Variants in DNAJC13 observed in about 807,000 individuals in gnomAD.
DNAJC13 encodes DnaJ heat shock protein family (Hsp40) member C13.
In DNAJC13, 75 loss-of-function variants were observed where a neutral mutation model predicts 290.5. The ratio of observed to expected loss-of-function variants is 0.26; its 90% CI spans 0.21 to 0.31. DNAJC13 has a LOEUF of 0.31. Among genes scored for constraint, DNAJC13 ranks in the 10% least tolerant of loss-of-function variants. The pLI, the probability that DNAJC13 is intolerant of heterozygous loss-of-function variation, is 1.00. For synonymous variants in DNAJC13, 862 were observed against 892.0 expected (o/e 0.97, Z 0.60); for missense variants, 2,260 against 2,674.5 (o/e 0.85, Z 3.42).
intron 48 of DNAJC13, among the ~76,000 whole-genome samples, chr3:132,517,050 G>A (rs551396764): frequency 2.6e-5 from 4 of 152,342 alleles, no homozygotes; most frequent in Admixed American, 6.5e-5. Context: ...TTTGGATTAA[G>A]ATACACTGTT....
In DNAJC13 at chr3:132,466,286, T is replaced by G; in HGVS notation, c.1969-13T>G. 1 of 1,573,310 alleles carries G rather than the reference T, an allele frequency of 6.4e-7. No individual in the cohort carries two copies. The highest frequency in any genetic ancestry group is 8.6e-7 in the Non-Finnish European group (1 of 1,165,894). ...TTTTCACATTGTTTTGAAAATGGAT[T>G]TTGTGTTTTTAGCCGCCAGGCTTGC... On this transcript the variant is annotated splice_polypyrimidine_tract_variant and intron_variant, in intron 18 of 55. Coordinates refer to ENST00000260818, the MANE Select transcript of DNAJC13 (RefSeq NM_015268.4).
At chr3:132,432,295 C>G (rs764010326) in intron 1 of DNAJC13, among the ~76,000 whole-genome samples, 12 of 152,066 alleles carry the variant, frequency 7.9e-5, no homozygotes, top group Non-Finnish European at 1.2e-4. Context: ...CTCCACCTCC[C>G]GGGTTCAAGA....
intron 50 of DNAJC13, 94 bp from the exon 51 acceptor site, chr3:132,523,446 C>T: frequency 7.2e-7 from 1 of 1,389,458 alleles, no homozygotes; most frequent in Non-Finnish European, 9.8e-7. Context: ...TGTTTGTGGA[C>T]TGGTTAACAT....
Position 132,514,888 on chromosome 3 carries a change from C to G in DNAJC13, c.5485+218C>G, listed in dbSNP as rs569317403. On this transcript the variant is annotated intron_variant, in intron 46 of 55. Transcript: ENST00000260818. ...AGTTGGGGGTGAGAGAGGTCCAAAA[C>G]CAAAGGAAAATAACCTGGGATTTTC... 1.4e-4 allele frequency: 57 copies of G among 415,400 alleles called. 1 individual carries two copies. Among genetic ancestry groups the G allele is most frequent in the African/African-American group, 9.0e-4 (42 of 46,920 alleles). 25.7% of individuals were successfully genotyped at this position (415,400 alleles called of 1,614,324 possible).
intron 43 of DNAJC13, among the ~76,000 whole-genome samples, chr3:132,508,780 A>G (rs1158550715): frequency 6.6e-6 from 1 of 152,220 alleles, no homozygotes; most frequent in Non-Finnish European, 1.5e-5. Flanking sequence ...TTATTTTTAA[A>G]AAATTATGCT....
chr3:132,461,119 T>C lies in DNAJC13; in HGVS notation c.1627T>C (p.Tyr543His). ...CCTTACCTTTGCCCTCTGTGCTCCA[T>C]ATAGTGAGACAACTGAAGGGCAGCA... ...DFLTFALCAP[Y>H]SETTEGQQFD... is the part of the protein sequence containing the mutation. The change falls in exon 15 of 56, where the codon TAT becomes CAT. Residue 543 changes from tyrosine (Y) to histidine (H), a missense_variant. Tyr to His is a moderately conservative substitution (Grantham distance 83). Around this residue, in one of 3 missense-constraint regions of DNAJC13, gnomAD observed 762 missense variants for 964.1 expected, o/e 0.79. Transcript: ENST00000260818. 5 of 1,614,028 alleles carry C rather than the reference T, an allele frequency of 3.1e-6. No individual in the cohort carries two copies. Among genetic ancestry groups the C allele is most frequent in the East Asian group, 2.2e-5 (1 of 44,870 alleles).
intron 22 of DNAJC13, among the ~76,000 whole-genome samples, chr3:132,477,442 G>A (rs1427671360): frequency 6.6e-6 from 1 of 152,208 alleles, no homozygotes; most frequent in African/African-American, 2.4e-5. Flanking sequence ...GTGGGATAGA[G>A]GGAAGACCTG....
chr3:132,441,942 C>A (rs1933085064), intron 2 of DNAJC13, among the ~76,000 whole-genome samples: 1 of 151,594 alleles, frequency 6.6e-6, no homozygotes, highest in African/African-American at 2.4e-5. Flanking sequence ...TTGAACCCAG[C>A]ACAGTGTCAG....
intron 24 of DNAJC13, 90 bp from the exon 25 acceptor site, chr3:132,479,137 A>T (rs929212548): frequency 2.2e-5 from 15 of 686,516 alleles, no homozygotes; most frequent in Non-Finnish European, 3.4e-5. Flanking sequence ...ATTACTTCTT[A>T]TGGGCTGTTG....
chr3:132,479,966 T>G (rs1934613441), intron 25 of DNAJC13, among the ~76,000 whole-genome samples: 1 of 149,148 alleles, frequency 6.7e-6, no homozygotes, highest in Admixed American at 6.8e-5. Context: ...TCTAAGAAAT[T>G]ACCAGTTAAG....
In DNAJC13 at chr3:132,501,523, C is replaced by A. The variant is rs188521661; in HGVS notation, c.4536+610C>A. 1.2e-3 allele frequency among the ~76,000 whole-genome samples: 177 copies of A among 151,268 alleles called. 1 individual carries two copies. The highest frequency in any genetic ancestry group is 4.2e-3 in the African/African-American group (171 of 41,190). ...CTGAGATATATGCTTCAGAGGTAGC[C>A]TGTGCCACTACACTCCAGACTGGGC... On this transcript the variant is annotated intron_variant, in intron 39 of 55. Transcript: ENST00000260818.
At chr3:132,532,976 C>T (rs931333166) in intron 55 of DNAJC13, among the ~76,000 whole-genome samples, 3 of 146,876 alleles carry the variant, frequency 2.0e-5, no homozygotes, top group East Asian at 2.1e-4. Flanking sequence ...CTATGCTGGT[C>T]TCAAACTCCT....
intron 20 of DNAJC13, among the ~76,000 whole-genome samples, chr3:132,471,365 C>T (rs1453758573): frequency 3.5e-5 from 5 of 144,844 alleles, no homozygotes; most frequent in South Asian, 2.3e-4. Context: ...ACCTCCCTCC[C>T]GGACGGGGTG....
chr3:132,448,153 A>G lies in DNAJC13; in HGVS notation c.336+214A>G, dbSNP rs139413962. Among the ~76,000 whole-genome samples, 1,420 of 152,006 alleles carry G rather than the reference A, an allele frequency of 9.3e-3. 33 individuals carry two copies. The highest frequency in any genetic ancestry group is 0.037 in the Admixed American group (558 of 15,258). On this transcript the variant is annotated intron_variant, in intron 5 of 55. Transcript: ENST00000260818. ...AATGTTGATACTGGTAGATGGGGGGAAAAAAAGGCAAAAAAACCTTTGGAG... is the reference window on the plus strand; with the variant it reads ...AATGTTGATACTGGTAGATGGGGGGGAAAAAAGGCAAAAAAACCTTTGGAG...
chr3:132,478,610 C>T (rs1934551073), intron 24 of DNAJC13, among the ~76,000 whole-genome samples: 3 of 152,086 alleles, frequency 2.0e-5, no homozygotes, highest in Admixed American at 2.0e-4. Context: ...TACAGTTTGT[C>T]AAATAAAAAA....
intron 6 of DNAJC13, among the ~76,000 whole-genome samples, chr3:132,452,428 T>C (rs1933445820): frequency 6.6e-6 from 1 of 152,200 alleles, no homozygotes; most frequent in African/African-American, 2.4e-5. Flanking sequence ...TTAAACACGA[T>C]GTGATCCAGT....
chr3:132,512,371 G>A (rs577770428), intron 44 of DNAJC13, among the ~76,000 whole-genome samples: 2 of 152,282 alleles, frequency 1.3e-5, no homozygotes, highest in South Asian at 4.1e-4. Flanking sequence ...TCTTTAAGTT[G>A]AAGGAGTCTT....
chr3:132,495,141 AC>A lies in DNAJC13; in HGVS notation c.3998del (p.Pro1333LeufsTer14). On this transcript the variant is annotated frameshift_variant, in exon 35 of 56. Coordinates refer to ENST00000260818, the MANE Select transcript of DNAJC13 (RefSeq NM_015268.4). LOFTEE classifies it high-confidence loss of function. ...TACTTCAGACTTGCACAAAAGTACCACCCTGATAAGAATCCAGAAGGGAGGG... is the reference window on the plus strand; with the variant it reads ...TACTTCAGACTTGCACAAAAGTACCACCTGATAAGAATCCAGAAGGGAGGG... ...KAYFRLAQKY[H>X]PDKNPEGRDM... 1 of 1,613,492 alleles carries A rather than the reference AC, an allele frequency of 6.2e-7. No homozygotes were observed. Among genetic ancestry groups the A allele is most frequent in the Non-Finnish European group, 8.5e-7 (1 of 1,179,536 alleles).
chr3:132,447,497 A>T, intron 4 of DNAJC13, 27 bp downstream of exon 4: 2 of 1,529,246 alleles, frequency 1.3e-6, no homozygotes, highest in Non-Finnish European at 1.7e-6. Flanking sequence ...TTCATAAATA[A>T]AATTTCTTTC....
Sources: gnomAD v4.1 joint callset for allele counts (sites outside exome capture counted in the v4.1 genomes callset) on GRCh38, gnomAD v4.1.1 for gene constraint, gnomAD v4.1.1 regional missense constraint, MANE v1.5 for transcripts, NCBI Gene and HGNC (gene_info 2026-07-23, HGNC 2026-07-21) for gene names.